GDPD1: variants seen among roughly 807,000 people sequenced by gnomAD.
The protein encoded by GDPD1 is lysophospholipase D GDPD1.
Under a neutral mutation model 45.1 loss-of-function variants are expected in GDPD1, and 28 were observed. The observed-to-expected ratio is 0.62, with a 90% CI of 0.46 to 0.85. The LOEUF is 0.85. Among genes scored for constraint, GDPD1 ranks in the 40% least tolerant of loss-of-function variants. The pLI is 0.00. For synonymous variants in GDPD1, 139 were observed against 131.4 expected (o/e 1.06, Z -0.40); for missense variants, 256 against 364.8 (o/e 0.70, Z 2.43).
rs1249853468 is a variant in GDPD1, at chr17:59,275,179, T to C, written c.*1406T>C. On this transcript the variant is annotated 3_prime_UTR_variant, in exon 10 of 10. Transcript: ENST00000284116. ...TTTGAAGGCCATTGCAGCTATTTGG[T>C]AGTGTCTTGTTATTTCTAGGTGTAC... 3 of 1,537,274 alleles carry C rather than the reference T, an allele frequency of 2.0e-6. No individual in the cohort carries two copies. In the East Asian group the frequency reaches 7.3e-5, roughly 38 times the overall value.
In GDPD1 at chr17:59,220,757, AG is replaced by A. The variant is rs778705175; in HGVS notation, c.142+10del. The A allele has an allele frequency of 2.4e-5, 38 of 1,611,210 alleles. No homozygotes were observed. The highest frequency in any genetic ancestry group is 3.4e-4 in the Middle Eastern group (2 of 5,906). Reference sequence around the variant, plus strand: ...ACACATCTCTCACCGCGGAGGTGAGAGGGGTCCCCAGAACCCGATGACGGAG... The same window carrying A: ...ACACATCTCTCACCGCGGAGGTGAGAGGGTCCCCAGAACCCGATGACGGAG... On this transcript the variant is annotated splice_region_variant and intron_variant, in intron 1 of 9. Coordinates refer to ENST00000284116, the MANE Select transcript of GDPD1 (RefSeq NM_182569.4).
intron 3 of GDPD1, among the ~76,000 whole-genome samples, chr17:59,246,722 A>AAAAAAAAAAAG (rs2047214669): frequency 6.7e-6 from 1 of 149,644 alleles, no homozygotes; most frequent in African/African-American, 2.5e-5. Flanking sequence ...AAAAAAAAAA[A>AAAAAAAAAAAG]AAAAAAAAAA....
chr17:59,269,425 C>T (rs1036060995), intron 7 of GDPD1, among the ~76,000 whole-genome samples: 3 of 151,710 alleles, frequency 2.0e-5, no homozygotes, highest in Non-Finnish European at 4.4e-5. Context: ...TATTTATGAA[C>T]ATCTTTGTAG....
intron 2 of GDPD1, among the ~76,000 whole-genome samples, chr17:59,239,601 A>G (rs1268826691): frequency 6.6e-6 from 1 of 152,114 alleles, no homozygotes; most frequent in African/African-American, 2.4e-5. Context: ...TCCTAGATAC[A>G]CTTATTATTG....
At chr17:59,223,331 C>A (rs1270964906) in intron 1 of GDPD1, among the ~76,000 whole-genome samples, 1 of 152,092 alleles carries the variant, frequency 6.6e-6, no homozygotes, top group African/African-American at 2.4e-5. Context: ...ATATAATGGT[C>A]CTATAAACAC....
At chr17:59,246,998 C>T (rs1876575595) in intron 3 of GDPD1, among the ~76,000 whole-genome samples, 1 of 151,986 alleles carries the variant, frequency 6.6e-6, no homozygotes, top group African/African-American at 2.4e-5. Context: ...GAACTCCTGA[C>T]CTCAGTTGAT....
At position 59,248,941 on chromosome 17, in the gene GDPD1, C is replaced by G. The variant is rs2147889178; in HGVS notation, c.367+156C>G. ...TGAAAATTATCTGACGTGAAATTAT[C>G]AGGTCCAAAGAGTTAAGTGATTCAT... On this transcript the variant is annotated intron_variant, in intron 4 of 9. Transcript: ENST00000284116. 7 of 549,652 alleles carry G rather than the reference C, an allele frequency of 1.3e-5. No individual in the cohort carries two copies. The East Asian group carries it at 2.1e-4, about 16-fold the overall frequency. The allele number at this position is 549,652 out of a possible 1,614,324, so 34.0% of individuals were successfully genotyped here.
Position 59,274,677 on chromosome 17 carries a change from C to T in GDPD1, c.*904C>T, listed in dbSNP as rs961229986. ...ACCTTAGTCCCAGCTACTCGGGAGG[C>T]TGAGTCAGGAGAATGGCGTGAACCC... On this transcript the variant is annotated 3_prime_UTR_variant, in exon 10 of 10. Coordinates refer to ENST00000284116, the MANE Select transcript of GDPD1 (RefSeq NM_182569.4). Among the ~76,000 whole-genome samples the T allele has an allele frequency of 6.7e-6, 1 of 150,358 alleles. No homozygotes were observed. The highest frequency in any genetic ancestry group is 2.4e-5 in the African/African-American group (1 of 40,944).
chr17:59,220,925 G>A (rs1476226279), intron 1 of GDPD1, among the ~76,000 whole-genome samples, 174 bp downstream of exon 1: 1 of 152,162 alleles, frequency 6.6e-6, no homozygotes, highest in Non-Finnish European at 1.5e-5. Context: ...CTCCTGAGGG[G>A]AGGGAAGGAG....
At position 59,221,927 on chromosome 17, in the gene GDPD1, A is replaced by G. The variant is rs1307431984; in HGVS notation, c.142+1176A>G. Among the ~76,000 whole-genome samples the G allele has an allele frequency of 1.5e-4, 23 of 152,322 alleles. 1 individual carries two copies. On this transcript the variant is annotated intron_variant, in intron 1 of 9. Coordinates refer to ENST00000284116, the MANE Select transcript of GDPD1 (RefSeq NM_182569.4). ...CGGAAGTACATTATCATTCTTCTAT[A>G]TAATTTTATTAGTTAAGCATAGTTC...
In GDPD1 at chr17:59,245,426, C is replaced by T. The variant is rs779068296; in HGVS notation, c.198C>T (p.Ile66=). ...TTTATTTCTTCAGTGCGGTTAAAAT[C>T]GGAACTGATATGCTAGAATTGGACT... ...TMAAFQHAVK[I]GTDMLELDCH... is the part of the protein sequence containing the mutation. Residue 66 remains isoleucine (I), a synonymous_variant, in exon 3 of 10, where the codon ATC becomes ATT. Coordinates refer to ENST00000284116, the MANE Select transcript of GDPD1 (RefSeq NM_182569.4). 23 of 1,609,530 alleles carry T rather than the reference C, an allele frequency of 1.4e-5. 1 individual carries two copies. The highest frequency in any genetic ancestry group is 3.3e-5 in the South Asian group (3 of 90,114).
intron 6 of GDPD1, among the ~76,000 whole-genome samples, chr17:59,263,374 T>G (rs1329458863): frequency 6.6e-6 from 1 of 152,120 alleles, no homozygotes; most frequent in Non-Finnish European, 1.5e-5. Context: ...TCCCTTGATT[T>G]CCATACTTTT....
In GDPD1 at chr17:59,262,840, C is replaced by T. The variant is rs150182181; in HGVS notation, c.577-4201C>T. ...ATAGGGTTTCACCATGTTGGTCAGG[C>T]TGGTCACAAACTCCCGACCTCAGGT... is the stretch of plus-strand genomic sequence containing the variant. On this transcript the variant is annotated intron_variant, in intron 6 of 9. Coordinates refer to ENST00000284116, the MANE Select transcript of GDPD1 (RefSeq NM_182569.4). 4.4e-3 allele frequency among the ~76,000 whole-genome samples: 671 copies of T among 152,054 alleles called. 9 individuals are homozygous for T. Among genetic ancestry groups the T allele is most frequent in the African/African-American group, 0.015 (630 of 41,456 alleles).
chr17:59,225,784 G>T (rs995997346), intron 1 of GDPD1, among the ~76,000 whole-genome samples: 11 of 152,030 alleles, frequency 7.2e-5, no homozygotes, highest in African/African-American at 2.7e-4. Flanking sequence ...TGCAGTGGTG[G>T]GATCTTAGCT....
At position 59,248,805 on chromosome 17, in the gene GDPD1, G is replaced by T; in HGVS notation, c.367+20G>T. ...AAAGAGGTAATATTTTTTGTTTGTG[G>T]CTTAAACATTTGTGTTGAGAAGCAT... On this transcript the variant is annotated intron_variant, in intron 4 of 9. Transcript: ENST00000284116. 1 of 1,574,220 alleles carries T rather than the reference G, an allele frequency of 6.4e-7. No homozygotes were observed. The highest frequency in any genetic ancestry group is 8.7e-7 in the Non-Finnish European group (1 of 1,150,722).
At chr17:59,242,869 C>G (rs772825021) in intron 2 of GDPD1, among the ~76,000 whole-genome samples, 3 of 152,196 alleles carry the variant, frequency 2.0e-5, no homozygotes, top group African/African-American at 7.2e-5. Context: ...GCTCCACCCC[C>G]TCCTTGCAGT....
At chr17:59,233,526 A>AG (rs1555721709) in intron 1 of GDPD1, among the ~76,000 whole-genome samples, 48 of 150,118 alleles carry the variant, frequency 3.2e-4, no homozygotes, top group African/African-American at 1.2e-3. Context: ...AAAAAAAAAA[A>AG]AAAGAAAGAA....
At position 59,266,766 on chromosome 17, in the gene GDPD1, A is replaced by G. The variant is rs566254942; in HGVS notation, c.577-275A>G. Among the ~76,000 whole-genome samples the G allele has an allele frequency of 3.3e-5, 5 of 152,300 alleles. No homozygotes were observed. In the South Asian group the frequency reaches 1.0e-3, roughly 32 times the overall value. ...TTTAGTCTTTAGCTGTAAGTACTGT[A>G]ACCAACGCAGAAGTGGTATTGCAAA... On this transcript the variant is annotated intron_variant, in intron 6 of 9. Coordinates refer to ENST00000284116, the MANE Select transcript of GDPD1 (RefSeq NM_182569.4).
chr17:59,235,709 C>T (rs1241201383), intron 2 of GDPD1, among the ~76,000 whole-genome samples: 3 of 151,600 alleles, frequency 2.0e-5, no homozygotes, highest in Admixed American at 6.6e-5. Context: ...CCCAGCTACT[C>T]GGGAGTCTGG....
Sources: allele counts gnomAD v4.1 joint callset (sites outside exome capture counted in the v4.1 genomes callset), GRCh38; gene constraint gnomAD v4.1.1; transcripts MANE v1.5; gene names NCBI Gene and HGNC (gene_info 2026-07-23, HGNC 2026-07-21).